Variants in RALGPS2 observed in about 807,000 individuals in gnomAD.
RALGPS2 encodes the protein Ral GEF with PH domain and SH3 binding motif 2, also known as ras-specific guanine nucleotide-releasing factor RalGPS2.
Under a neutral mutation model 86.8 loss-of-function variants are expected in RALGPS2, and 43 were observed. The observed-to-expected ratio is 0.50, with a 90% CI of 0.39 to 0.64. The LOEUF (loss-of-function observed/expected upper bound fraction) is 0.64. Ranked by LOEUF, RALGPS2 falls within the 30% of genes least tolerant of loss-of-function variation. The pLI is 0.00. For synonymous variants in RALGPS2, 243 were observed against 231.3 expected (o/e 1.05, Z -0.46); for missense variants, 536 against 694.6 (o/e 0.77, Z 2.57).
At chr1:178,738,615 A>T (rs968812369) in intron 1 of RALGPS2, among the ~76,000 whole-genome samples, 6 of 152,326 alleles carry the variant, frequency 3.9e-5, no homozygotes, top group Admixed American at 1.3e-4. Flanking sequence ...TGTTTTTGGG[A>T]TCAGCCATAT....
chr1:178,905,627 T>C (rs1366328227), intron 18 of RALGPS2, among the ~76,000 whole-genome samples: 1 of 152,326 alleles, frequency 6.6e-6, no homozygotes, highest in East Asian at 1.9e-4. Context: ...TGAATGCAGT[T>C]ATTAAGGAAA....
At chr1:178,868,934 T>C (rs540326553) in intron 8 of RALGPS2, among the ~76,000 whole-genome samples, 1 of 152,174 alleles carries the variant, frequency 6.6e-6, no homozygotes, top group Admixed American at 6.5e-5. Flanking sequence ...AGAACTGGTT[T>C]TAAAAATACA....
chr1:178,786,347 A>T (rs74609481), intron 4 of RALGPS2, among the ~76,000 whole-genome samples: 1,547 of 152,206 alleles, frequency 0.01, 25 homozygotes, highest in African/African-American at 0.033. Context: ...ACTGGGTTTC[A>T]CCACTAACTC....
At chr1:178,790,941 A>G (rs1653922313) in intron 4 of RALGPS2, among the ~76,000 whole-genome samples, 1 of 152,202 alleles carries the variant, frequency 6.6e-6, no homozygotes, top group Admixed American at 6.5e-5. Flanking sequence ...TTATTGTTAA[A>G]TCAAAATTAA....
intron 1 of RALGPS2, among the ~76,000 whole-genome samples, chr1:178,727,678 A>G (rs1461342923): frequency 6.6e-6 from 1 of 152,168 alleles, no homozygotes; most frequent in African/African-American, 2.4e-5. Flanking sequence ...AGTTCAGTGT[A>G]GTGAATGATG....
intron 8 of RALGPS2, among the ~76,000 whole-genome samples, chr1:178,876,667 G>C (rs1280634406): frequency 6.6e-6 from 1 of 152,112 alleles, no homozygotes; most frequent in Non-Finnish European, 1.5e-5. Context: ...GAAGTAATGG[G>C]GTAAAAGTAG....
intron 1 of RALGPS2, among the ~76,000 whole-genome samples, chr1:178,741,357 T>G (rs1273704894): frequency 6.6e-6 from 1 of 152,214 alleles, no homozygotes; most frequent in South Asian, 2.1e-4. Flanking sequence ...AGAAATAGAA[T>G]TCAAACCCAG....
chr1:178,908,294 C>G (rs1660470539), intron 19 of RALGPS2, among the ~76,000 whole-genome samples: 1 of 152,184 alleles, frequency 6.6e-6, no homozygotes, highest in Admixed American at 6.5e-5. Context: ...GTGTAGTATT[C>G]CATAGCATAT....
In RALGPS2 at chr1:178,883,524, G is replaced by T; in HGVS notation, c.895G>T (p.Asp299Tyr). The part of the protein sequence containing the change: ...STPRSAASRE[D>Y]LVGPEVGASP... ...CCCACGTTCTGCTGCTTCCAGAGAA[G>T]ATTTAGTAGGTCAGTACGTAGTTTT... is the stretch of plus-strand genomic sequence containing the variant. Residue 299 changes from aspartate to tyrosine, a missense_variant, in exon 11 of 20, where the codon GAT becomes TAT. Asp to Tyr is a radical substitution (Grantham distance 160). Transcript: ENST00000367635. 1 of 1,611,008 alleles carries T rather than the reference G, an allele frequency of 6.2e-7. No individual in the cohort carries two copies. Among genetic ancestry groups the T allele is most frequent in the Non-Finnish European group, 8.5e-7 (1 of 1,177,242 alleles).
chr1:178,846,507 T>A lies in RALGPS2; in HGVS notation c.607+12957T>A, dbSNP rs200299907. On this transcript the variant is annotated intron_variant, in intron 8 of 19. Coordinates refer to ENST00000367635, the MANE Select transcript of RALGPS2 (RefSeq NM_152663.5). Reference sequence around the variant, plus strand: ...ACATCCCCATTTTCCATTACCTCATTTATATATTTTTTTACCCTCACTCTT... The same window carrying A: ...ACATCCCCATTTTCCATTACCTCATATATATATTTTTTTACCCTCACTCTT... 5.3e-5 allele frequency among the ~76,000 whole-genome samples: 8 copies of A among 152,182 alleles called. No individual in the cohort carries two copies. In the East Asian group the frequency reaches 1.5e-3, roughly 29 times the overall value.
At chr1:178,819,091 C>T (rs1185738961) in intron 6 of RALGPS2, among the ~76,000 whole-genome samples, 1 of 151,438 alleles carries the variant, frequency 6.6e-6, no homozygotes, top group African/African-American at 2.4e-5. Flanking sequence ...TGGGCTCAAG[C>T]AGTCCTCCCA....
rs114279015 is a variant in RALGPS2 at position 178,751,491 on chromosome 1, C to G, written c.-83-25191C>G. On this transcript the variant is annotated intron_variant, in intron 1 of 19. Transcript: ENST00000367635. ...GCTCTTCTTGAGAGAGAACACTATT[C>G]CATAACCTTCTGAACCTCTTTAAGC... 3.7e-3 allele frequency among the ~76,000 whole-genome samples: 560 copies of G among 152,246 alleles called. 5 individuals are homozygous for G. The highest frequency in any genetic ancestry group is 0.012 in the African/African-American group (507 of 41,550).
intron 19 of RALGPS2, 123 bp from the exon 20 acceptor site, chr1:178,916,207 C>A: frequency 1.4e-6 from 1 of 732,736 alleles, no homozygotes; most frequent in Non-Finnish European, 2.3e-6. Context: ...CTCCTTATAT[C>A]AAGTTCCTTT....
chr1:178,784,204 C>G (rs936254166), intron 2 of RALGPS2, among the ~76,000 whole-genome samples: 1 of 152,090 alleles, frequency 6.6e-6, no homozygotes, highest in African/African-American at 2.4e-5. Flanking sequence ...ATGACTCATT[C>G]AAGAACCTAA....
At chr1:178,783,355 A>G (rs956022802) in intron 2 of RALGPS2, among the ~76,000 whole-genome samples, 6 of 152,194 alleles carry the variant, frequency 3.9e-5, no homozygotes, top group African/African-American at 1.4e-4. Flanking sequence ...AAAATCCAGA[A>G]TAGCCCAGGA....
chr1:178,872,492 C>G (rs771841180), intron 8 of RALGPS2, among the ~76,000 whole-genome samples: 3 of 152,040 alleles, frequency 2.0e-5, no homozygotes, highest in Non-Finnish European at 4.4e-5. Flanking sequence ...TGCTTGTGGC[C>G]ATGAAGGATT....
intron 2 of RALGPS2, among the ~76,000 whole-genome samples, chr1:178,782,657 T>TAC (rs1359770929): frequency 2.7e-5 from 4 of 150,376 alleles, no homozygotes; most frequent in East Asian, 2.0e-4. Context: ...ACCCCTCAAA[T>TAC]ACACACACAC....
chr1:178,752,728 T>A (rs1297234683), intron 1 of RALGPS2, among the ~76,000 whole-genome samples: 1 of 152,196 alleles, frequency 6.6e-6, no homozygotes, highest in East Asian at 1.9e-4. Flanking sequence ...CTTTAATGTT[T>A]TATATGCCAT....
intron 19 of RALGPS2, among the ~76,000 whole-genome samples, chr1:178,909,210 G>T (rs1165398530): frequency 6.6e-6 from 1 of 152,172 alleles, no homozygotes. Context: ...TCAGATGGTA[G>T]TAGGTGTGAG....
Sources: allele counts gnomAD v4.1 joint callset (sites outside exome capture counted in the v4.1 genomes callset), GRCh38; gene constraint gnomAD v4.1.1; transcripts MANE v1.5; gene names NCBI Gene and HGNC (gene_info 2026-07-23, HGNC 2026-07-21).